DLGAP2: variants seen among roughly 807,000 people sequenced by gnomAD.
DLGAP2 encodes the protein DLG associated protein 2, also known as disks large-associated protein 2.
DLGAP2 carries 26 observed loss-of-function variants against 100.3 expected under a neutral mutation model. The ratio of observed to expected loss-of-function variants is 0.26; its 90% CI spans 0.19 to 0.36. The LOEUF (loss-of-function observed/expected upper bound fraction) is 0.36. Ranked by LOEUF, DLGAP2 falls within the 10% of genes least tolerant of loss-of-function variation. The probability of loss-of-function intolerance (pLI) is 1.00; values close to 1 mark genes in which losing one functional copy is unlikely to be tolerated. For missense variants in DLGAP2, 1,858 were observed against 1,453.2 expected, an observed-to-expected ratio of 1.28 and a Z score of -4.53; for synonymous variants, 886 against 630.1, an observed-to-expected ratio of 1.41 and a Z score of -6.08.
intron 2 of DLGAP2, among the ~76,000 whole-genome samples, chr8:1,212,817 C>T (rs1310239701): frequency 7.9e-6 from 1 of 125,966 alleles, no homozygotes; most frequent in African/African-American, 3.1e-5. Flanking sequence ...TTCTTAAATT[C>T]ATGTTTCTGA....
chr8:1,678,259 A>G lies in DLGAP2; in HGVS notation c.2334A>G (p.Gln778=), dbSNP rs777442213. The G allele has an allele frequency of 1.9e-6, 3 of 1,613,852 alleles. No individual in the cohort carries two copies. Among genetic ancestry groups the G allele is most frequent in the Admixed American group, 3.3e-5 (2 of 60,016 alleles). The part of the protein sequence containing the change: ...KRSNSVTAAV[Q]ADLELEGFPG... Reference sequence around the variant, plus strand: ...CTAACAGCGTCACGGCCGCCGTCCAAGCTGACCTGGAGCTGGAGGGGTTCC... The same window carrying G: ...CTAACAGCGTCACGGCCGCCGTCCAGGCTGACCTGGAGCTGGAGGGGTTCC... Residue 778 remains glutamine (Q), a synonymous_variant, in exon 12 of 15, where the codon CAA becomes CAG. Transcript: ENST00000637795.
At chr8:893,830 C>T (rs1300001603) in intron 1 of DLGAP2, among the ~76,000 whole-genome samples, 2 of 152,224 alleles carry the variant, frequency 1.3e-5, no homozygotes, top group Admixed American at 1.3e-4. Context: ...CCCCCTTCGG[C>T]CAGCAGCATG....
At chr8:905,009 G>C (rs1235833335) in intron 1 of DLGAP2, among the ~76,000 whole-genome samples, 1 of 152,230 alleles carries the variant, frequency 6.6e-6, no homozygotes, top group Non-Finnish European at 1.5e-5. Context: ...TGGCTGGTCT[G>C]GATTTAATGC....
At chr8:1,481,695 C>T (rs569205893) in intron 3 of DLGAP2, among the ~76,000 whole-genome samples, 9 of 152,098 alleles carry the variant, frequency 5.9e-5, no homozygotes, top group African/African-American at 2.2e-4. Flanking sequence ...CCAGGCTTGT[C>T]TCGAACTCCT....
chr8:1,043,732 G>C (rs1351106759), intron 2 of DLGAP2, among the ~76,000 whole-genome samples: 1 of 152,066 alleles, frequency 6.6e-6, no homozygotes, highest in Non-Finnish European at 1.5e-5. Flanking sequence ...CTGTTAGGTT[G>C]TCAAATAGTA....
chr8:1,460,121 G>T (rs531457989), intron 3 of DLGAP2, among the ~76,000 whole-genome samples: 2 of 152,224 alleles, frequency 1.3e-5, no homozygotes, highest in Non-Finnish European at 1.5e-5. Context: ...GCCGGACTCG[G>T]TTCTGCGGCC....
At chr8:917,737 C>T (rs1369186730) in intron 2 of DLGAP2, among the ~76,000 whole-genome samples, 9 of 152,204 alleles carry the variant, frequency 5.9e-5, no homozygotes, top group South Asian at 2.1e-4. Flanking sequence ...TGTGCCACCA[C>T]GCCTGGCTGA....
At chr8:1,248,320 C>T (rs879244264) in intron 2 of DLGAP2, among the ~76,000 whole-genome samples, 9 of 68,850 alleles carry the variant, frequency 1.3e-4, no homozygotes, top group Non-Finnish European at 1.6e-4. Context: ...TGGCCCACGT[C>T]GGTGGCCGGG....
At chr8:1,150,182 A>G (rs901187332) in intron 2 of DLGAP2, among the ~76,000 whole-genome samples, 1 of 152,046 alleles carries the variant, frequency 6.6e-6, no homozygotes. Flanking sequence ...AATTCTCTCA[A>G]TTTTTGTTTG....
intron 1 of DLGAP2, chr8:739,121 T>C (rs1820412852): frequency 1.3e-5 from 2 of 152,806 alleles, no homozygotes; most frequent in Non-Finnish European, 2.9e-5. Context: ...AATTTATCCT[T>C]CGTGTGGATG....
chr8:1,045,193 C>T (rs1013009646), intron 2 of DLGAP2, among the ~76,000 whole-genome samples: 2 of 152,144 alleles, frequency 1.3e-5, no homozygotes, highest in African/African-American at 2.4e-5. Context: ...TGGCTTTTGG[C>T]AATTCACCAA....
chr8:776,123 C>G (rs1470404201), intron 1 of DLGAP2, among the ~76,000 whole-genome samples: 34 of 151,234 alleles, frequency 2.2e-4, no homozygotes, highest in African/African-American at 8.2e-4. Flanking sequence ...TCTAGATTTT[C>G]TAGTTTATTT....
intron 2 of DLGAP2, among the ~76,000 whole-genome samples, chr8:1,254,308 TG>T (rs1479619292): frequency 2.6e-5 from 4 of 152,174 alleles, no homozygotes; most frequent in Non-Finnish European, 5.9e-5. Flanking sequence ...TGACCTCTGA[TG>T]GGTCCATCAA....
chr8:1,229,856 A>G (rs1249320297), intron 2 of DLGAP2, among the ~76,000 whole-genome samples: 1 of 152,168 alleles, frequency 6.6e-6, no homozygotes, highest in Non-Finnish European at 1.5e-5. Context: ...ACTAGGCATC[A>G]AAGGAACATA....
chr8:1,097,770 G>T (rs1346226178), intron 2 of DLGAP2, among the ~76,000 whole-genome samples: 2 of 124,718 alleles, frequency 1.6e-5, no homozygotes, highest in South Asian at 5.3e-4. Flanking sequence ...CACCCTTTGT[G>T]GCATGGAGAG....
At chr8:1,422,403 A>G (rs1304806009) in intron 3 of DLGAP2, among the ~76,000 whole-genome samples, 8 of 152,150 alleles carry the variant, frequency 5.3e-5, no homozygotes, top group African/African-American at 1.7e-4. Flanking sequence ...ACGCTTGTGT[A>G]TATGTAGGGA....
At chr8:759,550 G>C (rs1203879932) in intron 1 of DLGAP2, among the ~76,000 whole-genome samples, 1 of 151,554 alleles carries the variant, frequency 6.6e-6, no homozygotes, top group South Asian at 2.1e-4. Flanking sequence ...GTGTGCACAG[G>C]TGTGTGTCCA....
chr8:847,652 G>A (rs780658371), intron 1 of DLGAP2, among the ~76,000 whole-genome samples: 31 of 152,078 alleles, frequency 2.0e-4, no homozygotes, highest in African/African-American at 4.3e-4. Context: ...GACTATAGGC[G>A]CACGCAACCA....
intron 8 of DLGAP2, among the ~76,000 whole-genome samples, chr8:1,644,551 G>A (rs553848195): frequency 2.6e-5 from 4 of 152,356 alleles, no homozygotes; most frequent in Non-Finnish European, 4.4e-5. Context: ...CGGCAGAGAC[G>A]CGCTCCTGAT....
Sources: gnomAD v4.1 joint callset for allele counts (sites outside exome capture counted in the v4.1 genomes callset) on GRCh38, gnomAD v4.1.1 for gene constraint, MANE v1.5 for transcripts, NCBI Gene and HGNC (gene_info 2026-07-23, HGNC 2026-07-21) for gene names.